The following TMEM184A variants were observed in gnomAD, a reference collection of about 807,000 sequenced individuals.
TMEM184A encodes the protein transmembrane protein 184A.
A neutral mutation model predicts 39.5 loss-of-function variants in TMEM184A; 40 were observed. The ratio of observed to expected loss-of-function variants is 1.01; its 90% CI spans 0.79 to 1.32. TMEM184A has a LOEUF of 1.32. Among genes scored for constraint, TMEM184A ranks in the 40% most tolerant of loss-of-function variants. The probability of loss-of-function intolerance (pLI) is 0.00; values close to 1 mark genes in which losing one functional copy is unlikely to be tolerated. For missense variants in TMEM184A, 603 were observed against 568.8 expected (o/e 1.06, Z -0.61); for synonymous variants, 280 against 252.3 (o/e 1.11, Z -1.04).
In TMEM184A at chr7:1,544,137, C is replaced by T. The variant is rs1159635580; in HGVS notation, c.*2815G>A. ...CTTTCCCCAGCTAAGTCAGACCTCCCTGCAGCCCACCCTGCGGCTCTGGGC... is the reference window on the plus strand; with the variant it reads ...CTTTCCCCAGCTAAGTCAGACCTCCTTGCAGCCCACCCTGCGGCTCTGGGC... On this transcript the variant is annotated 3_prime_UTR_variant, in exon 9 of 9. Coordinates refer to ENST00000297477, the MANE Select transcript of TMEM184A (RefSeq NM_001097620.2). The T allele has an allele frequency of 6.6e-6, 1 of 152,354 alleles. No homozygotes were observed. The highest frequency in any genetic ancestry group is 1.5e-5 in the Non-Finnish European group (1 of 68,130). The allele number at this position is 152,354 out of a possible 1,614,324, so 9.4% of individuals were successfully genotyped here.
intron 2 of TMEM184A, 96 bp from the exon 3 acceptor site, chr7:1,551,078 G>T: frequency 7.1e-7 from 1 of 1,413,542 alleles, no homozygotes. Context: ...GGTGCAGGAG[G>T]GTTTGGGTGA....
intron 6 of TMEM184A, chr7:1,549,441 C>T (rs1003735168): frequency 4.7e-6 from 2 of 425,434 alleles, no homozygotes; most frequent in Non-Finnish European, 9.7e-6. Flanking sequence ...CCCAGGTGCC[C>T]TTAATGCCAA....
intron 8 of TMEM184A, 80 bp downstream of exon 8, chr7:1,547,662 C>T (rs1408621636): frequency 5.5e-6 from 8 of 1,455,028 alleles, no homozygotes; most frequent in African/African-American, 2.8e-5. Context: ...TCCTGGGCCT[C>T]GAGAATGGCA....
rs1365531880 is a variant in TMEM184A at position 1,545,918 on chromosome 7, C to T, written c.*1034G>A. On this transcript the variant is annotated 3_prime_UTR_variant, in exon 9 of 9. Transcript: ENST00000297477. ...GCAGGTGCCCAGGTGGGAGCCCCCT[C>T]TGTGCCCCCTGGGAGTGTCCCCCCC... 6.6e-6 allele frequency: 1 copy of T among 152,430 alleles called. No individual in the cohort carries two copies. Among genetic ancestry groups the T allele is most frequent in the African/African-American group, 2.4e-5 (1 of 41,468 alleles). The allele number at this position is 152,430 out of a possible 1,614,324, so 9.4% of individuals were successfully genotyped here.
At chr7:1,552,493 C>G (rs971038931) in intron 2 of TMEM184A, among the ~76,000 whole-genome samples, 16 of 150,818 alleles carry the variant, frequency 1.1e-4, no homozygotes, top group African/African-American at 3.9e-4. Flanking sequence ...TAACAGTCAC[C>G]ATGTTGTACA....
Position 1,547,167 on chromosome 7 carries a change from TG to T in TMEM184A, c.1026del (p.Met343CysfsTer12), listed in dbSNP as rs1433083859. On this transcript the variant is annotated frameshift_variant, in exon 9 of 9. Transcript: ENST00000297477. LOFTEE classifies it low-confidence loss of function (END_TRUNC). ...CTGATGCCGCTGGAGATGCTCTGCATGGGTGCCGGGGGGGCTGGGGGAGGGC... is the reference window on the plus strand; with the variant it reads ...CTGATGCCGCTGGAGATGCTCTGCATGGTGCCGGGGGGGCTGGGGGAGGGC... ...KKENSPAPPA[P>X]MQSISSGIRE... The T allele has an allele frequency of 6.2e-7, 1 of 1,602,676 alleles. No homozygotes were observed. The highest frequency in any genetic ancestry group is 1.7e-5 in the Admixed American group (1 of 59,820).
In TMEM184A at chr7:1,542,703, CTT is replaced by C. The variant is rs892518020; in HGVS notation, c.*4247_*4248del. On this transcript the variant is annotated 3_prime_UTR_variant, in exon 9 of 9. Coordinates refer to ENST00000297477, the MANE Select transcript of TMEM184A (RefSeq NM_001097620.2). ...TTATTTAAGAAAAAGACGAGGGACT[CTT>C]TGTCACGTGGGTTTGTTTTCTGTCT... is the stretch of plus-strand genomic sequence containing the variant. 1 of 152,540 alleles carries C rather than the reference CTT, an allele frequency of 6.6e-6. No homozygotes were observed. Among genetic ancestry groups the C allele is most frequent in the African/African-American group, 2.4e-5 (1 of 41,474 alleles). The allele number at this position is 152,540 out of a possible 1,614,324, so 9.4% of individuals were successfully genotyped here. A position where few individuals can be genotyped will look rare whatever the true frequency, so the allele number is the denominator to read the frequency against.
Position 1,549,700 on chromosome 7 carries a change from G to T in TMEM184A, c.644+154C>A. ...TTGGGCCCCACCGCTGGGCCCCAGGGGACCCAGTGCCCACCTCATGCCAGG... is the reference window on the plus strand; with the variant it reads ...TTGGGCCCCACCGCTGGGCCCCAGGTGACCCAGTGCCCACCTCATGCCAGG... On this transcript the variant is annotated intron_variant, in intron 6 of 8. Transcript: ENST00000297477. The T allele has an allele frequency of 7.9e-6, 6 of 757,182 alleles. No individual in the cohort carries two copies. The East Asian group carries it at 1.6e-4, about 21-fold the overall frequency. 46.9% of individuals were successfully genotyped at this position (757,182 alleles called of 1,614,324 possible).
intron 8 of TMEM184A, 84 bp downstream of exon 8, chr7:1,547,658 G>T: frequency 7.1e-7 from 1 of 1,412,280 alleles, no homozygotes; most frequent in East Asian, 2.5e-5. Context: ...GCATTCCTGG[G>T]CCTCGAGAAT....
rs1784566686 is a variant in TMEM184A at position 1,550,953 on chromosome 7, C to T, written c.249G>A (p.Val83=). The T allele has an allele frequency of 2.5e-6, 4 of 1,613,456 alleles. No homozygotes were observed. The highest frequency in any genetic ancestry group is 3.4e-6 in the Non-Finnish European group (4 of 1,179,882). ...QIYLHLRSYT[V]PQEQRYIIRL... is the part of the protein sequence containing the mutation. ...GGATGATGTAACGTTGCTCCTGTGG[C>T]ACGGTGTAGGAGCGCAGGTGCAGAT... is the stretch of plus-strand genomic sequence containing the variant. The change falls in exon 3 of 9, where the codon GTG becomes GTA. Residue 83 remains valine (V), a synonymous_variant. Transcript: ENST00000297477.
At chr7:1,552,186 C>T (rs1784629880) in intron 2 of TMEM184A, among the ~76,000 whole-genome samples, 4 of 152,100 alleles carry the variant, frequency 2.6e-5, no homozygotes, top group Admixed American at 1.3e-4. Context: ...CTGTGTTGCC[C>T]AGGCTGGTCT....
rs181863199 is a variant in TMEM184A, at chr7:1,543,928, C to G, written c.*3024G>C. On this transcript the variant is annotated 3_prime_UTR_variant, in exon 9 of 9. Transcript: ENST00000297477. ...AATTACAGGTGTGAGCCACTGCACC[C>G]GATCATAATCCCAACTCGCAGCATC... 6.6e-6 allele frequency: 1 copy of G among 152,254 alleles called. No homozygotes were observed. The highest frequency in any genetic ancestry group is 1.5e-5 in the Non-Finnish European group (1 of 68,082). 9.4% of individuals were successfully genotyped at this position (152,254 alleles called of 1,614,324 possible).
At chr7:1,551,777 A>G (rs1261378180) in intron 2 of TMEM184A, among the ~76,000 whole-genome samples, 2 of 151,982 alleles carry the variant, frequency 1.3e-5, no homozygotes, top group Non-Finnish European at 2.9e-5. Flanking sequence ...TCTCTACTAA[A>G]TACACAAAAA....
intron 2 of TMEM184A, among the ~76,000 whole-genome samples, chr7:1,551,924 G>A (rs1055177569): frequency 2.6e-5 from 4 of 151,126 alleles, no homozygotes; most frequent in African/African-American, 4.9e-5. Flanking sequence ...GCGACAGAGC[G>A]AGACCCTTTC....
In TMEM184A at chr7:1,547,124, T is replaced by C; in HGVS notation, c.1070A>G (p.Gln357Arg). ...GTGGATGGCGTCCTGCACGATGTCC[T>C]GGGGGCTCACTGTCTCCCTGATGCC... ...SSGIRETVSP[Q>R]DIVQDAIHNF... is the part of the protein sequence containing the mutation. The change falls in exon 9 of 9, where the codon CAG becomes CGG. Residue 357 changes from glutamine (Q) to arginine (R), a missense_variant. Gln to Arg is a conservative substitution (Grantham distance 43). Transcript: ENST00000297477. The C allele has an allele frequency of 6.2e-7, 1 of 1,609,546 alleles. No individual in the cohort carries two copies. The highest frequency in any genetic ancestry group is 8.5e-7 in the Non-Finnish European group (1 of 1,179,558).
chr7:1,554,790 C>T (rs895766336), intron 2 of TMEM184A, among the ~76,000 whole-genome samples: 1 of 152,148 alleles, frequency 6.6e-6, no homozygotes, highest in African/African-American at 2.4e-5. Flanking sequence ...CACAGGAGTC[C>T]CGGTCCCTCT....
In TMEM184A at chr7:1,547,793, G is replaced by A. The variant is rs764065739; in HGVS notation, c.961C>T (p.Arg321Cys). 8.7e-6 allele frequency: 14 copies of A among 1,612,846 alleles called. No homozygotes were observed. Among genetic ancestry groups the A allele is most frequent in the East Asian group, 4.5e-5 (2 of 44,892 alleles). ...TACACCTGGCAGGGGAAGGCATAAC[G>A]CAGGGCCACGGAGGCGAACAGCATC... ...VEMLFASVAL[R>C]YAFPCQVYAE... The change falls in exon 8 of 9, where the codon CGT (arginine) becomes TGT (cysteine). Residue 321 changes from arginine to cysteine, a missense_variant. Transcript: ENST00000297477.
rs1784296347 is a variant in TMEM184A at position 1,544,960 on chromosome 7, C to T, written c.*1992G>A. 6.6e-6 allele frequency: 1 copy of T among 152,246 alleles called. No individual in the cohort carries two copies. The highest frequency in any genetic ancestry group is 1.5e-5 in the Non-Finnish European group (1 of 68,052). The allele number at this position is 152,246 out of a possible 1,614,324, so 9.4% of individuals were successfully genotyped here. A position where few individuals can be genotyped will look rare whatever the true frequency, so the allele number is the denominator to read the frequency against. On this transcript the variant is annotated 3_prime_UTR_variant, in exon 9 of 9. Coordinates refer to ENST00000297477, the MANE Select transcript of TMEM184A (RefSeq NM_001097620.2). ...CTGAGGTGTTGCTGACATAGGGGCTCAGCCCCTGACACCTCAGCCTCTGCC... is the reference window on the plus strand; with the variant it reads ...CTGAGGTGTTGCTGACATAGGGGCTTAGCCCCTGACACCTCAGCCTCTGCC...
At chr7:1,552,635 T>C (rs1296285970) in intron 2 of TMEM184A, among the ~76,000 whole-genome samples, 1 of 151,902 alleles carries the variant, frequency 6.6e-6, no homozygotes, top group Non-Finnish European at 1.5e-5. Context: ...CCCAGCTAAG[T>C]GTCCAACCCG....
Sources: allele counts gnomAD v4.1 joint callset (sites outside exome capture counted in the v4.1 genomes callset), GRCh38; gene constraint gnomAD v4.1.1; transcripts MANE v1.5; gene names NCBI Gene and HGNC (gene_info 2026-07-23, HGNC 2026-07-21).